ADCY2: variants seen among roughly 807,000 people sequenced by gnomAD.
The protein encoded by ADCY2 is adenylate cyclase type 2.
A neutral mutation model predicts 125.2 loss-of-function variants in ADCY2; 31 were observed. That is an observed-to-expected ratio of 0.25 (90% CI 0.19 to 0.33). ADCY2 has a LOEUF of 0.33. ADCY2 is among the 10% of genes least tolerant of loss of function. The pLI is 1.00. For synonymous variants in ADCY2, 512 were observed against 548.4 expected (o/e 0.93, Z 0.93); for missense variants, 904 against 1,418.2 (o/e 0.64, Z 5.82).
At chr5:7,592,532 T>A (rs894882541) in intron 3 of ADCY2, among the ~76,000 whole-genome samples, 2 of 144,514 alleles carry the variant, frequency 1.4e-5, no homozygotes, top group African/African-American at 2.5e-5. Context: ...CCTATTGTAC[T>A]AGGGGAACTG....
At chr5:7,760,257 T>C (rs1743152483) in intron 16 of ADCY2, among the ~76,000 whole-genome samples, 1 of 152,246 alleles carries the variant, frequency 6.6e-6, no homozygotes, top group Non-Finnish European at 1.5e-5. Context: ...GCATTAGTCC[T>C]GCTCTTCCAA....
At chr5:7,523,315 TAAA>T (rs5865718) in intron 3 of ADCY2, among the ~76,000 whole-genome samples, 31 of 135,686 alleles carry the variant, frequency 2.3e-4, no homozygotes, top group Non-Finnish European at 2.5e-4. Flanking sequence ...CCTGCATTGG[TAAA>T]AAAAAAAAAA....
rs892008281 is a variant in ADCY2 at position 7,709,590 on chromosome 5, G to A, written c.1578+203G>A. On this transcript the variant is annotated intron_variant, in intron 10 of 24. Transcript: ENST00000338316. The surrounding 1 kb of genome is among the most constrained non-coding windows in gnomAD (Gnocchi z 4.4). ...ACATTGCTAAGGGTTCCACCCTAGC[G>A]TGATTTTGCATTATAGCTTCATAAC... 2.0e-5 allele frequency among the ~76,000 whole-genome samples: 3 copies of A among 152,228 alleles called. No homozygotes were observed. The highest frequency in any genetic ancestry group is 7.2e-5 in the African/African-American group (3 of 41,452).
At position 7,687,100 on chromosome 5, in the gene ADCY2, A is replaced by G. The variant is rs572764788; in HGVS notation, c.721-3591A>G. On this transcript the variant is annotated intron_variant, in intron 4 of 24. Transcript: ENST00000338316. ...CGTCTTCATTTCAGCTTAAATTCAC[A>G]TGGATTCTTTAGCAGTTCCAACAAA... is the stretch of plus-strand genomic sequence containing the variant. Among the ~76,000 whole-genome samples, 8 of 152,290 alleles carry G rather than the reference A, an allele frequency of 5.3e-5. No homozygotes were observed. The South Asian group carries it at 1.0e-3, about 20-fold the overall frequency.
At chr5:7,744,479 C>T (rs954459118) in intron 15 of ADCY2, among the ~76,000 whole-genome samples, 1 of 152,194 alleles carries the variant, frequency 6.6e-6, no homozygotes, top group African/African-American at 2.4e-5. Context: ...GTTAAAATAT[C>T]TTTTATTAGT....
chr5:7,643,825 T>C (rs1047252990), intron 4 of ADCY2, among the ~76,000 whole-genome samples: 4 of 151,938 alleles, frequency 2.6e-5, no homozygotes, highest in African/African-American at 9.7e-5. Context: ...TTTTTTTTAA[T>C]CTCAACTAGT....
At chr5:7,781,159 C>T (rs1392319774) in intron 18 of ADCY2, among the ~76,000 whole-genome samples, 4 of 152,128 alleles carry the variant, frequency 2.6e-5, no homozygotes, top group Non-Finnish European at 4.4e-5. Context: ...AAGTAGATTT[C>T]ATCCTTAAAA....
At chr5:7,650,247 C>CACACACAA (rs764028181) in intron 4 of ADCY2, among the ~76,000 whole-genome samples, 1 of 148,028 alleles carries the variant, frequency 6.8e-6, no homozygotes, top group Non-Finnish European at 1.5e-5. Flanking sequence ...CACACACACA[C>CACACACAA]AAACGCACAT....
chr5:7,783,444 T>C (rs1743982936), intron 18 of ADCY2, among the ~76,000 whole-genome samples: 1 of 151,998 alleles, frequency 6.6e-6, no homozygotes, highest in African/African-American at 2.4e-5. Flanking sequence ...ACCCAGGCTC[T>C]CTTGCTTTAA....
At chr5:7,452,501 A>C (rs1028863564) in intron 2 of ADCY2, among the ~76,000 whole-genome samples, 11 of 152,164 alleles carry the variant, frequency 7.2e-5, no homozygotes, top group African/African-American at 2.7e-4. Flanking sequence ...ACCACTCATC[A>C]GTTGATGAAC....
At position 7,693,054 on chromosome 5, in the gene ADCY2, G is replaced by C. The variant is rs371178023; in HGVS notation, c.869+2215G>C. Among the ~76,000 whole-genome samples, 21 of 152,212 alleles carry C rather than the reference G, an allele frequency of 1.4e-4. 1 individual carries two copies. The South Asian group carries it at 4.1e-3, about 30-fold the overall frequency. On this transcript the variant is annotated intron_variant, in intron 5 of 24. Coordinates refer to ENST00000338316, the MANE Select transcript of ADCY2 (RefSeq NM_020546.3). ...GCACAAACCTTGATTTCTGAACTCT[G>C]TTGCTCAGCCAGAAACAGGATCTTC...
At chr5:7,634,839 C>T (rs555529052) in intron 4 of ADCY2, among the ~76,000 whole-genome samples, 72 of 152,108 alleles carry the variant, frequency 4.7e-4, no homozygotes, top group African/African-American at 1.6e-3. Context: ...TTATCAAATC[C>T]ATAATTTCAT....
At chr5:7,761,557 C>G (rs1352821297) in intron 16 of ADCY2, among the ~76,000 whole-genome samples, 1 of 151,770 alleles carries the variant, frequency 6.6e-6, no homozygotes, top group Non-Finnish European at 1.5e-5. Context: ...TTTTCACATG[C>G]CCTAGGAAAG....
chr5:7,535,285 C>T (rs1734779157), intron 3 of ADCY2, among the ~76,000 whole-genome samples: 1 of 152,160 alleles, frequency 6.6e-6, no homozygotes, highest in Non-Finnish European at 1.5e-5. Context: ...TCAGGTGATA[C>T]ACCCGCCTTG....
chr5:7,566,794 A>G (rs1015579337), intron 3 of ADCY2, among the ~76,000 whole-genome samples: 2 of 152,256 alleles, frequency 1.3e-5, no homozygotes, highest in African/African-American at 2.4e-5. Context: ...GGTTGTCCAC[A>G]TGTTCTGGGA....
chr5:7,441,321 A>G (rs1192389496), intron 2 of ADCY2, among the ~76,000 whole-genome samples: 1 of 152,198 alleles, frequency 6.6e-6, no homozygotes, highest in Non-Finnish European at 1.5e-5. Flanking sequence ...AAATCCCTAA[A>G]CTGGGGTATA....
chr5:7,648,885 CAA>C (rs33967902), intron 4 of ADCY2, among the ~76,000 whole-genome samples: 1,729 of 152,218 alleles, frequency 0.011, 36 homozygotes, highest in African/African-American at 0.037. Context: ...ATGGCTTAGG[CAA>C]ACAGTGATAG....
chr5:7,673,060 T>G (rs1445158358), intron 4 of ADCY2, among the ~76,000 whole-genome samples: 3 of 151,346 alleles, frequency 2.0e-5, no homozygotes, highest in African/African-American at 7.3e-5. Context: ...TCATGTAATT[T>G]TATTAACCAA....
At position 7,677,193 on chromosome 5, in the gene ADCY2, G is replaced by A. The variant is rs746095602; in HGVS notation, c.721-13498G>A. Among the ~76,000 whole-genome samples the A allele has an allele frequency of 9.2e-5, 14 of 152,188 alleles. No homozygotes were observed. In the South Asian group the frequency reaches 2.5e-3, roughly 27 times the overall value. On this transcript the variant is annotated intron_variant, in intron 4 of 24. Transcript: ENST00000338316. ...CTCGGGAGGCTGAGGCAGGAGAATC[G>A]CTTGAACGCAGGAGGTGGAGGTTGC...
Sources: gnomAD v4.1 joint callset for allele counts (sites outside exome capture counted in the v4.1 genomes callset) on GRCh38, gnomAD v4.1.1 for gene constraint, Gnocchi (gnomAD v3.1) non-coding constraint, MANE v1.5 for transcripts, NCBI Gene and HGNC (gene_info 2026-07-23, HGNC 2026-07-21) for gene names.